The following LARP4 variants were observed in gnomAD, a reference collection of about 807,000 sequenced individuals.
The protein encoded by LARP4 is la-related protein 4.
Under a neutral mutation model 92.9 loss-of-function variants are expected in LARP4, and 29 were observed. That is an observed-to-expected ratio of 0.31 (90% CI 0.23 to 0.43). The LOEUF (loss-of-function observed/expected upper bound fraction) is 0.43, where lower values mean the gene tolerates loss of function less well. LARP4 is among the 20% of genes least tolerant of loss of function. The pLI, the probability that LARP4 is intolerant of heterozygous loss-of-function variation, is 1.00. For missense variants in LARP4, 732 were observed against 860.0 expected, an observed-to-expected ratio of 0.85 and a Z score of 1.86; for synonymous variants, 279 against 284.1, an observed-to-expected ratio of 0.98 and a Z score of 0.18.
intron 12 of LARP4, among the ~76,000 whole-genome samples, chr12:50,464,177 A>G (rs978341580): frequency 1.3e-5 from 2 of 152,214 alleles, no homozygotes; most frequent in African/African-American, 4.8e-5. Context: ...TTGAGACTGG[A>G]TAATTCATAA....
In LARP4 at chr12:50,435,522, C is replaced by G. The variant is rs762238929; in HGVS notation, c.433C>G (p.Gln145Glu). ...NLSKDLYLIS[Q>E]MDSDQFIPIW... The stretch of plus-strand genomic sequence containing the variant: ...GTCAAAGGATCTTTACTTGATATCT[C>G]AAATGGATAGTGATCAGTTCATCCC... Residue 145 changes from glutamine to glutamate, a missense_variant, in exon 5 of 16, where the codon CAA becomes GAA. Transcript: ENST00000398473. 8 of 1,577,600 alleles carry G rather than the reference C, an allele frequency of 5.1e-6. No homozygotes were observed. The highest frequency in any genetic ancestry group is 1.7e-5 in the Admixed American group (1 of 58,858).
chr12:50,425,890 C>T (rs1948629454), intron 1 of LARP4, among the ~76,000 whole-genome samples: 1 of 152,170 alleles, frequency 6.6e-6, no homozygotes, highest in African/African-American at 2.4e-5. Context: ...TCTTTCCAAC[C>T]TCCCCTTGCC....
intron 1 of LARP4, among the ~76,000 whole-genome samples, chr12:50,414,955 A>G (rs1195987285): frequency 6.6e-6 from 1 of 152,202 alleles, no homozygotes; most frequent in East Asian, 1.9e-4. Context: ...CTGTAATCCC[A>G]GCACTTCAGG....
At chr12:50,410,441 T>A (rs989465560) in intron 1 of LARP4, among the ~76,000 whole-genome samples, 13 of 150,872 alleles carry the variant, frequency 8.6e-5, no homozygotes, top group African/African-American at 2.7e-4. Context: ...GGAATCTCGC[T>A]GTTGCCCAGG....
chr12:50,453,788 AT>A, intron 9 of LARP4, 116 bp downstream of exon 9: 1 of 624,474 alleles, frequency 1.6e-6, no homozygotes, highest in Non-Finnish European at 2.6e-6. Flanking sequence ...TTTGGCCTTT[AT>A]TTTATTTTAT....
chr12:50,402,804 G>T (rs972353202), intron 1 of LARP4: 2 of 455,144 alleles, frequency 4.4e-6, no homozygotes, highest in African/African-American at 2.0e-5. Context: ...AGGCCTGTCC[G>T]ACTCCCCAGG....
At chr12:50,420,304 G>C (rs1238304512) in intron 1 of LARP4, among the ~76,000 whole-genome samples, 1 of 152,196 alleles carries the variant, frequency 6.6e-6, no homozygotes, top group African/African-American at 2.4e-5. Context: ...AAATTGTTCA[G>C]AATGCAACTA....
chr12:50,412,927 A>G (rs1352185855), intron 1 of LARP4, among the ~76,000 whole-genome samples: 1 of 152,162 alleles, frequency 6.6e-6, no homozygotes, highest in Non-Finnish European at 1.5e-5. Flanking sequence ...GAGAAGATGA[A>G]TAAAACTTGG....
rs557769264 is a variant in LARP4, at chr12:50,457,665, T to C, written c.1121+3248T>C. On this transcript the variant is annotated intron_variant, in intron 10 of 15. Coordinates refer to ENST00000398473, the MANE Select transcript of LARP4 (RefSeq NM_052879.5). Reference sequence around the variant, plus strand: ...CTCGTCTCTACTGACAATATAAAAATTAGCCAGGCATACTGGTGTGCACCT... The same window carrying C: ...CTCGTCTCTACTGACAATATAAAAACTAGCCAGGCATACTGGTGTGCACCT... Among the ~76,000 whole-genome samples the C allele has an allele frequency of 5.3e-5, 8 of 152,128 alleles. No individual in the cohort carries two copies. The South Asian group carries it at 1.7e-3, about 32-fold the overall frequency.
intron 4 of LARP4, among the ~76,000 whole-genome samples, chr12:50,435,018 A>G (rs2137350669): frequency 6.6e-6 from 1 of 152,344 alleles, no homozygotes; most frequent in Non-Finnish European, 1.5e-5. Context: ...ACTGCGCTCC[A>G]GACTGGGCAA....
intron 8 of LARP4, among the ~76,000 whole-genome samples, chr12:50,449,923 A>ATTTTTTTTTTT (rs60763691): frequency 4.3e-5 from 2 of 47,022 alleles, no homozygotes; most frequent in African/African-American, 1.7e-4. Context: ...AGCCATAGCA[A>ATTTTTTTTTTT]TTTTTTTTTT....
intron 1 of LARP4, among the ~76,000 whole-genome samples, chr12:50,409,275 ATC>A (rs1269359912): frequency 6.6e-6 from 1 of 152,102 alleles, no homozygotes; most frequent in African/African-American, 2.4e-5. Flanking sequence ...TTTTTGTTTA[ATC>A]TCTCTGCTTC....
chr12:50,461,548 T>C, intron 11 of LARP4: 1 of 545,586 alleles, frequency 1.8e-6, no homozygotes. Context: ...AATATAGCTC[T>C]GAATCAGAGG....
Position 50,408,328 on chromosome 12 carries a change from A to G in LARP4, c.18+7300A>G, listed in dbSNP as rs1262464212. On this transcript the variant is annotated intron_variant, in intron 1 of 15. Coordinates refer to ENST00000398473, the MANE Select transcript of LARP4 (RefSeq NM_052879.5). The stretch of plus-strand genomic sequence containing the variant: ...TTCTCTTACCTCAGCCTTCCTGAGT[A>G]GCTGGGATTACAAGCATGCACCACC... Among the ~76,000 whole-genome samples, 10 of 149,286 alleles carry G rather than the reference A, an allele frequency of 6.7e-5. No homozygotes were observed. In the Admixed American group the frequency reaches 6.9e-4, roughly 10 times the overall value.
At chr12:50,458,038 A>G (rs60396677) in intron 10 of LARP4, among the ~76,000 whole-genome samples, 10,539 of 151,284 alleles carry the variant, frequency 0.07, 812 homozygotes, top group East Asian at 0.36. Context: ...GGCCCAATCA[A>G]TTCTCCACCT....
intron 1 of LARP4, among the ~76,000 whole-genome samples, chr12:50,419,537 AAAATTT>A (rs2136703245): frequency 6.6e-6 from 1 of 152,318 alleles, no homozygotes; most frequent in African/African-American, 2.4e-5. Context: ...ACTCAAGTTG[AAAATTT>A]AAATCTAGTC....
chr12:50,416,438 G>A (rs1946804795), intron 1 of LARP4: 1 of 152,150 alleles, frequency 6.6e-6, no homozygotes, highest in Non-Finnish European at 1.5e-5. Flanking sequence ...GGCTAAGGTG[G>A]GTGAATCACT....
intron 1 of LARP4, among the ~76,000 whole-genome samples, chr12:50,420,269 A>G (rs1947506235): frequency 6.6e-6 from 1 of 152,230 alleles, no homozygotes; most frequent in South Asian, 2.1e-4. Context: ...GAGAAAAATC[A>G]GTGAACTGGA....
rs1360506061 is a variant in LARP4 at position 50,479,675 on chromosome 12, G to A, written c.*3811G>A. 3 of 152,270 alleles carry A rather than the reference G, an allele frequency of 2.0e-5. No individual in the cohort carries two copies. The highest frequency in any genetic ancestry group is 6.5e-5 in the Admixed American group (1 of 15,280). 9.4% of individuals were successfully genotyped at this position (152,270 alleles called of 1,614,324 possible). A position where few individuals can be genotyped will look rare whatever the true frequency, so the allele number is the denominator to read the frequency against. ...AGCGTAACTCAGATATTAATGGGCT[G>A]TGTATTAAATGGTTTTATTTTCAGT... On this transcript the variant is annotated 3_prime_UTR_variant, in exon 16 of 16. Coordinates refer to ENST00000398473, the MANE Select transcript of LARP4 (RefSeq NM_052879.5).
Sources: gnomAD v4.1 joint callset for allele counts (sites outside exome capture counted in the v4.1 genomes callset) on GRCh38, gnomAD v4.1.1 for gene constraint, MANE v1.5 for transcripts, NCBI Gene and HGNC (gene_info 2026-07-23, HGNC 2026-07-21) for gene names.